Variants in WASF1 observed in about 807,000 individuals in gnomAD.
The protein encoded by WASF1 is WASP family member 1, also known as actin-binding protein WASF1.
WASF1 carries 7 observed loss-of-function variants against 50.5 expected under a neutral mutation model. The ratio of observed to expected loss-of-function variants is 0.14; its 90% CI spans 0.08 to 0.26. The LOEUF (loss-of-function observed/expected upper bound fraction) is 0.26. WASF1 is among the 10% of genes least tolerant of loss of function. The pLI is 1.00. For synonymous variants in WASF1, 205 were observed against 244.0 expected (o/e 0.84, Z 1.49); for missense variants, 470 against 694.7 (o/e 0.68, Z 3.64).
intron 7 of WASF1, among the ~76,000 whole-genome samples, chr6:110,106,795 T>A (rs1743566688): frequency 6.6e-6 from 1 of 152,166 alleles, no homozygotes; most frequent in African/African-American, 2.4e-5. Context: ...GTGGGAAGGG[T>A]TTACCCTGCC....
intron 5 of WASF1, 36 bp downstream of exon 5, chr6:110,113,290 T>C: frequency 1.4e-6 from 2 of 1,467,740 alleles, no homozygotes; most frequent in South Asian, 3.0e-5. Context: ...ACTTAAAATA[T>C]ATACGTAGAA....
chr6:110,137,748 C>T (rs1201123290), intron 3 of WASF1, among the ~76,000 whole-genome samples: 1 of 152,158 alleles, frequency 6.6e-6, no homozygotes, highest in East Asian at 1.9e-4. Flanking sequence ...GTTAAGCATA[C>T]TCTTTAAAAT....
At chr6:110,121,366 G>A (rs1774115232) in intron 4 of WASF1, among the ~76,000 whole-genome samples, 1 of 152,136 alleles carries the variant, frequency 6.6e-6, no homozygotes, top group African/African-American at 2.4e-5. Context: ...ATCAAAAAGT[G>A]GACAAAGGAT....
chr6:110,170,137 G>A lies in WASF1; in HGVS notation c.-127+8461C>T, dbSNP rs550716846. Reference sequence around the variant, plus strand: ...TACAAAACATTTTAAAGAGAAAGAAGTATAATTGATATGCTAAGAGAGGAG... The same window carrying A: ...TACAAAACATTTTAAAGAGAAAGAAATATAATTGATATGCTAAGAGAGGAG... On this transcript the variant is annotated intron_variant, in intron 2 of 10. Transcript: ENST00000392589. Among the ~76,000 whole-genome samples the A allele has an allele frequency of 1.5e-4, 23 of 152,168 alleles. No homozygotes were observed. In the South Asian group the frequency reaches 4.8e-3, roughly 32 times the overall value.
intron 2 of WASF1, among the ~76,000 whole-genome samples, chr6:110,162,393 A>C (rs1372396283): frequency 6.6e-6 from 1 of 150,512 alleles, no homozygotes. Context: ...AAGCAGACTT[A>C]TTCTATAAGG....
At chr6:110,116,130 G>C (rs902059766) in intron 4 of WASF1, among the ~76,000 whole-genome samples, 7 of 152,336 alleles carry the variant, frequency 4.6e-5, no homozygotes, top group Admixed American at 2.6e-4. Flanking sequence ...GAAGACGGGT[G>C]ATTTCTGCAT....
At chr6:110,112,984 C>A (rs1230808898) in intron 5 of WASF1, among the ~76,000 whole-genome samples, 1 of 149,602 alleles carries the variant, frequency 6.7e-6, no homozygotes, top group African/African-American at 2.5e-5. Flanking sequence ...ATTTTTATTT[C>A]TAAGACAAAA....
intron 2 of WASF1, 33 bp downstream of exon 2, chr6:110,178,565 A>C (rs755417871): frequency 2.0e-5 from 3 of 152,644 alleles, no homozygotes; most frequent in African/African-American, 7.2e-5. Context: ...TACATAGAAA[A>C]GGAAATGATT....
intron 2 of WASF1, among the ~76,000 whole-genome samples, chr6:110,173,055 G>T (rs1776783316): frequency 6.6e-6 from 1 of 151,932 alleles, no homozygotes; most frequent in Non-Finnish European, 1.5e-5. Flanking sequence ...TAAAAATTTA[G>T]CAAATTTAAC....
intron 2 of WASF1, among the ~76,000 whole-genome samples, chr6:110,163,151 T>C (rs570853442): frequency 1.3e-5 from 2 of 151,574 alleles, no homozygotes; most frequent in South Asian, 2.1e-4. Flanking sequence ...CAAAATGAAA[T>C]AAGCATAAAT....
intron 2 of WASF1, among the ~76,000 whole-genome samples, chr6:110,174,975 AAAC>A (rs1365093026): frequency 6.6e-6 from 1 of 152,132 alleles, no homozygotes; most frequent in East Asian, 1.9e-4. Flanking sequence ...AAGCAAAACA[AAAC>A]AACCAAACGC....
At chr6:110,136,173 T>A (rs779569090) in intron 3 of WASF1, among the ~76,000 whole-genome samples, 1 of 152,132 alleles carries the variant, frequency 6.6e-6, no homozygotes, top group Non-Finnish European at 1.5e-5. Flanking sequence ...CATGAGCCAC[T>A]GCGCCCAGCC....
At position 110,147,182 on chromosome 6, in the gene WASF1, C is replaced by T. The variant is rs528070133; in HGVS notation, c.-29+13453G>A. ...CTAACACGGTGAAACCCCATCTCTA[C>T]TAAAAATACAAAAATTAGCCGGGCG... On this transcript the variant is annotated intron_variant, in intron 3 of 10. Transcript: ENST00000392589. Among the ~76,000 whole-genome samples the T allele has an allele frequency of 3.3e-5, 5 of 152,080 alleles. No individual in the cohort carries two copies. In the East Asian group the frequency reaches 9.7e-4, roughly 29 times the overall value.
At chr6:110,160,182 T>C (rs1267820705) in intron 3 of WASF1, among the ~76,000 whole-genome samples, 2 of 151,844 alleles carry the variant, frequency 1.3e-5, no homozygotes, top group Non-Finnish European at 1.5e-5. Flanking sequence ...ACAGCTGATT[T>C]AAAATCAAGT....
intron 2 of WASF1, among the ~76,000 whole-genome samples, chr6:110,163,272 T>C (rs542027545): frequency 1.3e-5 from 2 of 151,684 alleles, no homozygotes; most frequent in East Asian, 3.9e-4. Flanking sequence ...TAGTTTCTTA[T>C]TTGGGGCTGC....
chr6:110,105,494 T>C lies in WASF1; in HGVS notation c.626A>G (p.Gln209Arg). Residue 209 changes from glutamine to arginine, a missense_variant, in exon 8 of 11, where the codon CAA (glutamine) becomes CGA (arginine). Transcript: ENST00000392589. ...ATCATCTTCAGCCAGCTCTGGACCT[T>C]GGGCCAGCTTCTGCCATTCTCGCCG... ...DRRREWQKLA[Q>R]GPELAEDDAN... The C allele has an allele frequency of 6.2e-7, 1 of 1,614,070 alleles. No individual in the cohort carries two copies. Among genetic ancestry groups the C allele is most frequent in the Non-Finnish European group, 8.5e-7 (1 of 1,179,960 alleles).
At chr6:110,162,217 C>A (rs1265331159) in intron 2 of WASF1, among the ~76,000 whole-genome samples, 5 of 151,306 alleles carry the variant, frequency 3.3e-5, no homozygotes, top group African/African-American at 1.2e-4. Context: ...ACAAATTCTG[C>A]TTCTCCTCTC....
At chr6:110,135,431 T>C (rs1774903056) in intron 3 of WASF1, among the ~76,000 whole-genome samples, 1 of 152,216 alleles carries the variant, frequency 6.6e-6, no homozygotes, top group Non-Finnish European at 1.5e-5. Context: ...AAAAAAATCA[T>C]GCTATCAAAT....
chr6:110,100,308 C>G lies in WASF1; in HGVS notation c.*214G>C. ...TAGTGGTTTATTTGACCAAATTAGT[C>G]TTTTCAGGGGGAAAAAAAAGATAAG... On this transcript the variant is annotated 3_prime_UTR_variant, in exon 11 of 11. Coordinates refer to ENST00000392589, the MANE Select transcript of WASF1 (RefSeq NM_003931.3). 2.1e-6 allele frequency: 1 copy of G among 469,792 alleles called. No individual in the cohort carries two copies. Among genetic ancestry groups the G allele is most frequent in the African/African-American group, 2.0e-5 (1 of 49,828 alleles). The allele number at this position is 469,792 out of a possible 1,614,324, so 29.1% of individuals were successfully genotyped here.
Sources: allele counts gnomAD v4.1 joint callset (sites outside exome capture counted in the v4.1 genomes callset), GRCh38; gene constraint gnomAD v4.1.1; transcripts MANE v1.5; gene names NCBI Gene and HGNC (gene_info 2026-07-23, HGNC 2026-07-21).